The following LRP1B variants were observed in gnomAD, a reference collection of about 807,000 sequenced individuals.
LRP1B encodes the protein LDL receptor related protein 1B, also known as low-density lipoprotein receptor-related protein 1B.
A neutral mutation model predicts 556.6 loss-of-function variants in LRP1B; 217 were observed. That is an observed-to-expected ratio of 0.39 (90% confidence interval 0.35 to 0.44). LRP1B has a LOEUF of 0.44. Ranked by LOEUF, LRP1B falls within the 20% of genes least tolerant of loss-of-function variation. LRP1B has a pLI of 1.00. For missense variants in LRP1B, 5,053 were observed against 5,620.8 expected (o/e 0.90, Z 3.23); for synonymous variants, 2,047 against 1,865.8 (o/e 1.10, Z -2.50).
chr2:142,018,263 C>T (rs148033492), intron 1 of LRP1B, among the ~76,000 whole-genome samples: 1 of 152,226 alleles, frequency 6.6e-6, no homozygotes, highest in Non-Finnish European at 1.5e-5. Flanking sequence ...CATGCTGTCT[C>T]CTTTTCCTGG....
chr2:140,663,626 G>A (rs1685170451), intron 41 of LRP1B, among the ~76,000 whole-genome samples: 1 of 152,124 alleles, frequency 6.6e-6, no homozygotes. Context: ...TTTAGTTTAT[G>A]GGAATGTCGT....
rs1491434205 is a variant in LRP1B at position 140,327,988 on chromosome 2, TAA to T, written c.12224-2112_12224-2111del. Among the ~76,000 whole-genome samples the T allele has an allele frequency of 3.3e-5, 5 of 152,204 alleles. No homozygotes were observed. In the East Asian group the frequency reaches 7.7e-4, roughly 24 times the overall value. On this transcript the variant is annotated intron_variant, in intron 79 of 90. Transcript: ENST00000389484. ...CCCTTTAATAAAAGAGATAGTCTTCTAAATTAAAAAGTTAATAAAGGAATCAA... is the reference window on the plus strand; with the variant it reads ...CCCTTTAATAAAAGAGATAGTCTTCTATTAAAAAGTTAATAAAGGAATCAA...
rs542926820 is a variant in LRP1B, at chr2:141,900,401, G to T, written c.83-90000C>A. Among the ~76,000 whole-genome samples the T allele has an allele frequency of 2.6e-5, 4 of 152,186 alleles. No homozygotes were observed. In the East Asian group the frequency reaches 7.7e-4, roughly 29 times the overall value. ...GCTGGTTATACCTATGTATGTCAATGTATGTTCCTCAAGAGTTGTATGTGA... is the reference window on the plus strand; with the variant it reads ...GCTGGTTATACCTATGTATGTCAATTTATGTTCCTCAAGAGTTGTATGTGA... On this transcript the variant is annotated intron_variant, in intron 1 of 90. Transcript: ENST00000389484.
intron 1 of LRP1B, among the ~76,000 whole-genome samples, chr2:142,084,607 A>G (rs946432077): frequency 5.3e-5 from 8 of 152,176 alleles, no homozygotes; most frequent in Middle Eastern, 3.4e-3. Context: ...TTAATTTTAC[A>G]TCTGCAATAT....
chr2:141,404,810 A>G (rs79091543), intron 3 of LRP1B, among the ~76,000 whole-genome samples: 6,531 of 152,268 alleles, frequency 0.043, 201 homozygotes, highest in Middle Eastern at 0.13. Flanking sequence ...TTGGGTTAAC[A>G]TAAAACCTGT....
chr2:141,192,924 G>T (rs1200487588), intron 6 of LRP1B, among the ~76,000 whole-genome samples: 1 of 151,710 alleles, frequency 6.6e-6, no homozygotes, highest in East Asian at 1.9e-4. Context: ...TAATGAGAAT[G>T]AAACATTCAG....
Position 141,229,454 on chromosome 2 carries a change from GAA to G in LRP1B, c.593-16_593-15del, listed in dbSNP as rs773450772. 1.3e-6 allele frequency: 2 copies of G among 1,502,598 alleles called. No homozygotes were observed. Among genetic ancestry groups the G allele is most frequent in the South Asian group, 1.2e-5 (1 of 82,424 alleles). The allele number at this position is 1,502,598 out of a possible 1,614,324, so 93.1% of individuals were successfully genotyped here. On this transcript the variant is annotated splice_polypyrimidine_tract_variant and intron_variant, in intron 5 of 90. Transcript: ENST00000389484. ...TATCTGTAGGTTCTGGAATAAAATA[GAA>G]AAAGAGAAGTAAATTCAGTAAGAGT...
chr2:140,764,865 A>G (rs1486128), intron 35 of LRP1B, among the ~76,000 whole-genome samples: 116,266 of 152,106 alleles, frequency 0.76, 45,640 homozygotes, highest in East Asian at 0.99. Context: ...GTAAATGTAT[A>G]CTGACATGTT....
intron 3 of LRP1B, among the ~76,000 whole-genome samples, chr2:141,345,208 A>T (rs1454617502): frequency 2.6e-5 from 4 of 151,348 alleles, no homozygotes; most frequent in Non-Finnish European, 2.9e-5. Context: ...TCCCCCTTAG[A>T]CTTTCCACAA....
chr2:141,034,728 G>A (rs1698479436), intron 11 of LRP1B, among the ~76,000 whole-genome samples: 1 of 148,430 alleles, frequency 6.7e-6, no homozygotes, highest in East Asian at 2.0e-4. Context: ...AGAGGATGTG[G>A]AGAAATAGGA....
At chr2:140,670,314 G>T (rs1685432956) in intron 41 of LRP1B, among the ~76,000 whole-genome samples, 2 of 152,118 alleles carry the variant, frequency 1.3e-5, no homozygotes, top group Non-Finnish European at 2.9e-5. Flanking sequence ...CACAAAGAAA[G>T]TTGGAAAAGA....
chr2:141,900,978 G>A (rs1006232352), intron 1 of LRP1B, among the ~76,000 whole-genome samples: 1 of 151,922 alleles, frequency 6.6e-6, no homozygotes, highest in African/African-American at 2.4e-5. Flanking sequence ...GCAGCTTCTT[G>A]ACTTGGTGTA....
At chr2:140,351,268 C>T (rs1470963468) in intron 76 of LRP1B, among the ~76,000 whole-genome samples, 2 of 151,752 alleles carry the variant, frequency 1.3e-5, no homozygotes, top group Non-Finnish European at 2.9e-5. Flanking sequence ...CCAATCTTTC[C>T]TTATGGCTAG....
intron 2 of LRP1B, among the ~76,000 whole-genome samples, chr2:141,774,558 T>G (rs1042098196): frequency 6.6e-6 from 1 of 152,132 alleles, no homozygotes; most frequent in African/African-American, 2.4e-5. Flanking sequence ...AACATGAGAT[T>G]TGAAGGAAAC....
intron 1 of LRP1B, among the ~76,000 whole-genome samples, chr2:142,047,323 T>C (rs1371671408): frequency 6.6e-6 from 1 of 151,960 alleles, no homozygotes; most frequent in African/African-American, 2.4e-5. Flanking sequence ...TGTAGTCACA[T>C]AATATGAAAT....
chr2:140,324,100 A>G (rs1210083430), intron 80 of LRP1B, 34 bp from the exon 81 acceptor site: 2 of 1,373,490 alleles, frequency 1.5e-6, no homozygotes, highest in African/African-American at 1.4e-5. Context: ...TGAAAGTTTT[A>G]ATGTATATAC....
intron 40 of LRP1B, 110 bp downstream of exon 40, chr2:140,701,611 T>C (rs1046003323): frequency 1.2e-5 from 12 of 1,011,378 alleles, no homozygotes; most frequent in African/African-American, 1.6e-5. Flanking sequence ...AAAGATAATG[T>C]TTTGAGGTTT....
intron 66 of LRP1B, among the ~76,000 whole-genome samples, chr2:140,388,297 C>T (rs1476233569): frequency 6.6e-6 from 1 of 152,054 alleles, no homozygotes; most frequent in Non-Finnish European, 1.5e-5. Context: ...TAAGAAAGAT[C>T]AGACTGGACC....
chr2:141,791,286 A>G (rs77340858), intron 2 of LRP1B, among the ~76,000 whole-genome samples: 2,234 of 152,122 alleles, frequency 0.015, 20 homozygotes, highest in Middle Eastern at 0.031. Flanking sequence ...TGAGTACAGT[A>G]TTTGTTCACC....
Sources: allele counts gnomAD v4.1 joint callset (sites outside exome capture counted in the v4.1 genomes callset), GRCh38; gene constraint gnomAD v4.1.1; transcripts MANE v1.5; gene names NCBI Gene and HGNC (gene_info 2026-07-23, HGNC 2026-07-21).